The following AHNAK variants were observed in gnomAD, a reference collection of about 807,000 sequenced individuals.
AHNAK encodes the protein neuroblast differentiation-associated protein AHNAK.
AHNAK carries 23 observed loss-of-function variants against 37.8 expected under a neutral mutation model. The ratio of observed to expected loss-of-function variants is 0.61; its 90% CI spans 0.44 to 0.86. The LOEUF (loss-of-function observed/expected upper bound fraction) is 0.86. AHNAK is among the 40% of genes least tolerant of loss of function. The pLI is 0.00. For synonymous variants in AHNAK, 2,481 were observed against 2,636.3 expected (o/e 0.94, Z 1.80); for missense variants, 7,411 against 7,319.4 (o/e 1.01, Z -0.46).
Position 62,525,965 on chromosome 11 carries a change from A to C in AHNAK, c.8452T>G (p.Trp2818Gly). The C allele has an allele frequency of 6.2e-7, 1 of 1,613,896 alleles. No homozygotes were observed. The highest frequency in any genetic ancestry group is 8.5e-7 in the Non-Finnish European group (1 of 1,179,986). Residue 2818 changes from tryptophan (W) to glycine (G), a missense_variant, in exon 5 of 5, where the codon TGG (tryptophan) becomes GGG (glycine). Physicochemically the swap from Trp to Gly is radical, Grantham distance 184. Coordinates refer to ENST00000378024, the MANE Select transcript of AHNAK (RefSeq NM_001620.3). ...DVNIEGPEGK[W>G]KSPKFKMPEM... The stretch of plus-strand genomic sequence containing the variant: ...GGCATCTTAAACTTTGGACTTTTCC[A>C]CTTTCCTTCAGGTCCTTCGATATTC...
chr11:62,516,141 T>G lies in AHNAK; in HGVS notation c.*603A>C. ...GACAATTTGCAAACAGATTCTAATT[T>G]CCTCTCACCGTCAGCACCAAACTGG... On this transcript the variant is annotated 3_prime_UTR_variant, in exon 5 of 5. Coordinates refer to ENST00000378024, the MANE Select transcript of AHNAK (RefSeq NM_001620.3). 1 of 1,285,848 alleles carries G rather than the reference T, an allele frequency of 7.8e-7. No homozygotes were observed. Among genetic ancestry groups the G allele is most frequent in the East Asian group, 5.6e-5 (1 of 17,962 alleles). 79.7% of individuals were successfully genotyped at this position (1,285,848 alleles called of 1,614,324 possible). A position where few individuals can be genotyped will look rare whatever the true frequency, so the allele number is the denominator to read the frequency against.
intron 5 of AHNAK, among the ~76,000 whole-genome samples, chr11:62,479,591 G>A (rs1288118227): frequency 1.3e-5 from 2 of 152,052 alleles, no homozygotes; most frequent in African/African-American, 4.8e-5. Flanking sequence ...CAAGGAGGGT[G>A]GGAAGTTTGC....
chr11:62,501,055 C>CA (rs199515272), intron 4 of AHNAK, among the ~76,000 whole-genome samples: 154 of 150,978 alleles, frequency 1.0e-3, no homozygotes, highest in African/African-American at 1.8e-3. Context: ...ACCATCTCTA[C>CA]AAAAAAAAAT....
At chr11:62,506,990 C>T (rs1267452809) in intron 4 of AHNAK, among the ~76,000 whole-genome samples, 1 of 152,138 alleles carries the variant, frequency 6.6e-6, no homozygotes, top group Non-Finnish European at 1.5e-5. Context: ...CGTCCCCCTT[C>T]TCTTGCTCCC....
Position 62,532,018 on chromosome 11 carries a change from T to C in AHNAK, c.2399A>G (p.Lys800Arg), listed in dbSNP as rs1325887984. ...PDVSIEEPEG[K>R]LKGPKFKMPE... ...CATCTTAAACTTGGGCCCTTTCAAT[T>C]TCCCTTCTGGTTCCTCAATGCTCAC... The change falls in exon 5 of 5, where the codon AAA becomes AGA. Residue 800 changes from lysine (K) to arginine (R), a missense_variant. Coordinates refer to ENST00000378024, the MANE Select transcript of AHNAK (RefSeq NM_001620.3). 6.2e-7 allele frequency: 1 copy of C among 1,613,746 alleles called. No individual in the cohort carries two copies. The highest frequency in any genetic ancestry group is 1.7e-5 in the Admixed American group (1 of 59,948).
chr11:62,466,469 A>ATTTTTTT (rs67385747), intron 5 of AHNAK, among the ~76,000 whole-genome samples: 2 of 135,780 alleles, frequency 1.5e-5, no homozygotes, highest in African/African-American at 5.6e-5. Context: ...TAAAGTTTTG[A>ATTTTTTT]TTTTTTTTTT....
chr11:62,537,065 T>C (rs1257147855), intron 1 of AHNAK, among the ~76,000 whole-genome samples: 2 of 151,604 alleles, frequency 1.3e-5, no homozygotes, highest in Non-Finnish European at 2.9e-5. Flanking sequence ...GCCAGTCTCC[T>C]GCCTCAGCCT....
At chr11:62,456,444 AC>A (rs1938659909) in intron 5 of AHNAK, among the ~76,000 whole-genome samples, 1 of 152,180 alleles carries the variant, frequency 6.6e-6, no homozygotes, top group Non-Finnish European at 1.5e-5. Context: ...GAACATTATT[AC>A]CCCATTTTAC....
intron 5 of AHNAK, among the ~76,000 whole-genome samples, chr11:62,451,712 G>C (rs1471398443): frequency 1.4e-5 from 2 of 146,234 alleles, no homozygotes; most frequent in African/African-American, 5.0e-5. Context: ...ACTCCAGCCT[G>C]GGTGACAGAG....
intron 5 of AHNAK, among the ~76,000 whole-genome samples, chr11:62,474,441 A>C (rs1347998884): frequency 3.9e-5 from 6 of 152,150 alleles, no homozygotes; most frequent in Non-Finnish European, 7.4e-5. Context: ...TCAGCCTCCC[A>C]AAGTGCTGGG....
In AHNAK at chr11:62,526,399, T is replaced by C. The variant is rs1398906683; in HGVS notation, c.8018A>G (p.Lys2673Arg). The C allele has an allele frequency of 4.1e-5, 66 of 1,610,688 alleles. No individual in the cohort carries two copies. Among genetic ancestry groups the C allele is most frequent in the Non-Finnish European group, 5.4e-5 (64 of 1,179,298 alleles). ...PKADIDVSGP[K>R]VDIEGPDVNI... ...AACATCAGGGCCTTCAATGTCCACT[T>C]TGGGTCCTGAGACATCAATGTCAGC... The change falls in exon 5 of 5, where the codon AAA becomes AGA. Residue 2673 changes from lysine to arginine, a missense_variant. Lys to Arg is a conservative substitution (Grantham distance 26). Coordinates refer to ENST00000378024, the MANE Select transcript of AHNAK (RefSeq NM_001620.3).
chr11:62,450,780 T>G (rs1938520363), intron 5 of AHNAK, among the ~76,000 whole-genome samples: 1 of 152,262 alleles, frequency 6.6e-6, no homozygotes, highest in South Asian at 2.1e-4. Context: ...ACTTTCAGAC[T>G]GGGACGCCTC....
chr11:62,539,741 C>A lies in AHNAK; in HGVS notation c.-99-3174G>T, dbSNP rs371915039. Among the ~76,000 whole-genome samples the A allele has an allele frequency of 2.6e-5, 4 of 152,312 alleles. No homozygotes were observed. In the East Asian group the frequency reaches 7.7e-4, roughly 29 times the overall value. On this transcript the variant is annotated intron_variant, in intron 1 of 4. Coordinates refer to ENST00000378024, the MANE Select transcript of AHNAK (RefSeq NM_001620.3). ...CCGTGAGGACGGGAGCCATTGGACC[C>A]GAAGCTGCAGGTTGGCCCTGGCAGG... is the stretch of plus-strand genomic sequence containing the variant.
At chr11:62,506,036 A>AAAAAAAAG (rs1939806125) in intron 4 of AHNAK, among the ~76,000 whole-genome samples, 2 of 76,738 alleles carry the variant, frequency 2.6e-5, no homozygotes, top group African/African-American at 9.2e-5. Context: ...AAAAAAAAAA[A>AAAAAAAAG]GGCGGGGGTG....
intron 4 of AHNAK, among the ~76,000 whole-genome samples, chr11:62,502,658 T>C (rs1018702979): frequency 9.2e-5 from 14 of 152,084 alleles, no homozygotes; most frequent in African/African-American, 3.4e-4. Flanking sequence ...ATATGAATAG[T>C]GCTAAGAACA....
At chr11:62,460,151 G>C (rs1010950523) in intron 5 of AHNAK, among the ~76,000 whole-genome samples, 3 of 151,350 alleles carry the variant, frequency 2.0e-5, no homozygotes, top group Non-Finnish European at 4.4e-5. Flanking sequence ...GCTGGGCGTG[G>C]TGGCACACGC....
Position 62,546,240 on chromosome 11 carries a change from G to A in AHNAK, c.-100+420C>T, listed in dbSNP as rs570229010. ...CGGAGGCGCGGAGGCGCTGGGGGCC[G>A]CGGTGGCGATCTCGGAAATTTCCCC... On this transcript the variant is annotated intron_variant, in intron 1 of 4. Coordinates refer to ENST00000378024, the MANE Select transcript of AHNAK (RefSeq NM_001620.3). 2.5e-4 allele frequency among the ~76,000 whole-genome samples: 38 copies of A among 152,286 alleles called. 1 individual carries two copies. The South Asian group carries it at 7.5e-3, about 30-fold the overall frequency.
chr11:62,545,935 C>G (rs944836278), intron 1 of AHNAK: 2 of 152,262 alleles, frequency 1.3e-5, no homozygotes, highest in African/African-American at 4.8e-5. Context: ...CAGCGCACCC[C>G]CCTCCTCGCC....
intron 5 of AHNAK, among the ~76,000 whole-genome samples, chr11:62,441,928 T>C (rs796672384): frequency 4.6e-5 from 7 of 152,256 alleles, no homozygotes; most frequent in African/African-American, 1.7e-4. Flanking sequence ...AGCAAGCCCT[T>C]GGTCAGGCAG....
Sources: allele counts gnomAD v4.1 joint callset (sites outside exome capture counted in the v4.1 genomes callset), GRCh38; gene constraint gnomAD v4.1.1; transcripts MANE v1.5; gene names NCBI Gene and HGNC (gene_info 2026-07-23, HGNC 2026-07-21).